Variants in PPP1R9A observed in about 807,000 individuals in gnomAD.
PPP1R9A encodes the protein protein phosphatase 1 regulatory subunit 9A.
PPP1R9A carries 59 observed loss-of-function variants against 141.9 expected under a neutral mutation model. The ratio of observed to expected loss-of-function variants is 0.42; its 90% CI spans 0.34 to 0.52. The LOEUF (loss-of-function observed/expected upper bound fraction) is 0.52. PPP1R9A is among the 20% of genes least tolerant of loss of function. The pLI, the probability that PPP1R9A is intolerant of heterozygous loss-of-function variation, is 0.10. For synonymous variants in PPP1R9A, 500 were observed against 569.7 expected (o/e 0.88, Z 1.74); for missense variants, 1,444 against 1,611.9 (o/e 0.90, Z 1.78).
chr7:95,073,535 C>T (rs1476192599), intron 2 of PPP1R9A, among the ~76,000 whole-genome samples: 1 of 151,422 alleles, frequency 6.6e-6, no homozygotes, highest in Non-Finnish European at 1.5e-5. Context: ...TGATGCTTAT[C>T]CCAATTGTTT....
chr7:95,061,649 T>C (rs1302287983), intron 2 of PPP1R9A, among the ~76,000 whole-genome samples: 2 of 152,054 alleles, frequency 1.3e-5, no homozygotes, highest in African/African-American at 4.8e-5. Flanking sequence ...GGTGGGAGGA[T>C]TGCTTGAGCC....
chr7:94,931,789 G>A (rs988607649), intron 2 of PPP1R9A, among the ~76,000 whole-genome samples: 2 of 152,250 alleles, frequency 1.3e-5, no homozygotes, highest in East Asian at 3.9e-4. Context: ...TGTTGGTCAG[G>A]CTGGTCTCGA....
intron 18 of PPP1R9A, 71 bp from the exon 19 acceptor site, chr7:95,288,465 C>T: frequency 6.5e-7 from 1 of 1,536,550 alleles, no homozygotes; most frequent in Non-Finnish European, 8.7e-7. Flanking sequence ...TTAAGAAATT[C>T]CTTTTGATAG....
chr7:95,283,399 G>A (rs1451495715), intron 16 of PPP1R9A, among the ~76,000 whole-genome samples: 1 of 152,080 alleles, frequency 6.6e-6, no homozygotes, highest in African/African-American at 2.4e-5. Context: ...CCGAGAGAAG[G>A]CCTGAGACCA....
chr7:94,958,806 T>G (rs1797324026), intron 2 of PPP1R9A, among the ~76,000 whole-genome samples: 1 of 152,030 alleles, frequency 6.6e-6, no homozygotes, highest in South Asian at 2.1e-4. Context: ...ATGGATTTGG[T>G]TATTTTCAAA....
At chr7:95,014,920 C>G (rs571727192) in intron 2 of PPP1R9A, among the ~76,000 whole-genome samples, 3 of 151,912 alleles carry the variant, frequency 2.0e-5, no homozygotes, top group Non-Finnish European at 2.9e-5. Context: ...CTCGAATTAT[C>G]CCAGATTTGG....
chr7:95,097,943 G>A (rs762407533), intron 2 of PPP1R9A, among the ~76,000 whole-genome samples: 1 of 152,204 alleles, frequency 6.6e-6, no homozygotes, highest in Non-Finnish European at 1.5e-5. Flanking sequence ...TGTAGGGCAG[G>A]CAGTGAAGAT....
intron 4 of PPP1R9A, 111 bp from the exon 5 acceptor site, chr7:95,161,756 A>G (rs1044897567): frequency 3.0e-5 from 21 of 691,314 alleles, no homozygotes; most frequent in Non-Finnish European, 4.6e-5. Flanking sequence ...TTTGGATCAA[A>G]AAGAGTATCT....
At chr7:94,934,213 A>G (rs1794493304) in intron 2 of PPP1R9A, among the ~76,000 whole-genome samples, 1 of 152,196 alleles carries the variant, frequency 6.6e-6, no homozygotes, top group Non-Finnish European at 1.5e-5. Flanking sequence ...TATAAAATGC[A>G]TATGAGCAGA....
intron 2 of PPP1R9A, among the ~76,000 whole-genome samples, chr7:95,041,955 G>T (rs1386486586): frequency 6.6e-6 from 1 of 151,990 alleles, no homozygotes; most frequent in African/African-American, 2.4e-5. Flanking sequence ...TTTAATCAGA[G>T]GTCAAAATAC....
chr7:95,223,221 A>G (rs1794694046), intron 7 of PPP1R9A, among the ~76,000 whole-genome samples: 1 of 152,038 alleles, frequency 6.6e-6, no homozygotes, highest in Non-Finnish European at 1.5e-5. Flanking sequence ...ACTGCAGGTA[A>G]TTTGGGTATT....
rs1294823119 is a variant in PPP1R9A at position 95,000,111 on chromosome 7, T to G, written c.1395+88603T>G. Reference sequence around the variant, plus strand: ...AGCCACCGCGCCCAGCCAAGATACCTTATTTAAATTAAGATTCATCATGCA... The same window carrying G: ...AGCCACCGCGCCCAGCCAAGATACCGTATTTAAATTAAGATTCATCATGCA... On this transcript the variant is annotated intron_variant, in intron 2 of 19. Transcript: ENST00000433360. Among the ~76,000 whole-genome samples, 4 of 152,146 alleles carry G rather than the reference T, an allele frequency of 2.6e-5. No individual in the cohort carries two copies. The East Asian group carries it at 7.7e-4, about 29-fold the overall frequency.
intron 4 of PPP1R9A, among the ~76,000 whole-genome samples, chr7:95,143,871 T>C (rs1584928860): frequency 6.6e-6 from 1 of 152,112 alleles, no homozygotes; most frequent in Admixed American, 6.6e-5. Flanking sequence ...TTCAGGCTTA[T>C]TGAAGTATAA....
chr7:95,180,060 T>C (rs1184763149), intron 5 of PPP1R9A, among the ~76,000 whole-genome samples: 1 of 152,092 alleles, frequency 6.6e-6, no homozygotes, highest in African/African-American at 2.4e-5. Flanking sequence ...AAAGCCTGTA[T>C]AGCCAAAGCA....
At chr7:94,984,231 G>T (rs564728796) in intron 2 of PPP1R9A, among the ~76,000 whole-genome samples, 3 of 152,240 alleles carry the variant, frequency 2.0e-5, no homozygotes, top group African/African-American at 7.2e-5. Flanking sequence ...GATTCGGTTT[G>T]CCAATATTTT....
chr7:95,042,288 A>G (rs1286482228), intron 2 of PPP1R9A, among the ~76,000 whole-genome samples: 2 of 152,292 alleles, frequency 1.3e-5, no homozygotes, highest in East Asian at 1.9e-4. Flanking sequence ...TGTGCAGTGC[A>G]ATGGGTCTTT....
intron 2 of PPP1R9A, among the ~76,000 whole-genome samples, chr7:94,955,318 A>T (rs574304440): frequency 1.3e-5 from 2 of 152,236 alleles, no homozygotes; most frequent in South Asian, 4.1e-4. Context: ...TACTTCTTAA[A>T]ATATCTATCA....
chr7:95,034,533 A>G (rs894126911), intron 2 of PPP1R9A, among the ~76,000 whole-genome samples: 3 of 152,008 alleles, frequency 2.0e-5, no homozygotes, highest in Non-Finnish European at 4.4e-5. Context: ...TCACATTTTT[A>G]GTAGACACAG....
chr7:95,161,784 G>A (rs1830497534), intron 4 of PPP1R9A, 83 bp from the exon 5 acceptor site: 4 of 865,502 alleles, frequency 4.6e-6, no homozygotes, highest in Non-Finnish European at 7.0e-6. Flanking sequence ...CACATATTTT[G>A]TCAACTGATT....
Sources: allele counts gnomAD v4.1 joint callset (sites outside exome capture counted in the v4.1 genomes callset), GRCh38; gene constraint gnomAD v4.1.1; transcripts MANE v1.5; gene names NCBI Gene and HGNC (gene_info 2026-07-23, HGNC 2026-07-21).